The following PLSCR2 variants were observed in gnomAD, a reference collection of about 807,000 sequenced individuals.
PLSCR2 encodes the protein PL scramblase 2.
PLSCR2 carries 18 observed loss-of-function variants against 25.3 expected under a neutral mutation model. That is an observed-to-expected ratio of 0.71 (90% CI 0.49 to 1.06). The LOEUF is 1.06. Among genes scored for constraint, PLSCR2 ranks in the 50% least tolerant of loss-of-function variants. The pLI, the probability that PLSCR2 is intolerant of heterozygous loss-of-function variation, is 0.00. For synonymous variants in PLSCR2, 88 were observed against 87.3 expected, an observed-to-expected ratio of 1.01 and a Z score of -0.04; for missense variants, 243 against 269.5, an observed-to-expected ratio of 0.90 and a Z score of 0.69.
At chr3:146,414,839 G>T (rs2038959797) in intron 2 of PLSCR2, among the ~76,000 whole-genome samples, 1 of 152,136 alleles carries the variant, frequency 6.6e-6, no homozygotes. Context: ...AGGAAATCAG[G>T]GTGGGAAAAC....
chr3:146,485,484 G>C (rs935883162), intron 1 of PLSCR2, among the ~76,000 whole-genome samples: 7 of 151,874 alleles, frequency 4.6e-5, no homozygotes, highest in African/African-American at 1.7e-4. Context: ...CCACCCCAAG[G>C]CAACAGAATA....
chr3:146,412,567 T>A (rs1576580304), intron 2 of PLSCR2, among the ~76,000 whole-genome samples: 1 of 152,148 alleles, frequency 6.6e-6, no homozygotes, highest in Non-Finnish European at 1.5e-5. Context: ...GACTAGAGAA[T>A]TGTTACAAAC....
At chr3:146,451,857 G>A (rs879615350) in intron 5 of PLSCR2, among the ~76,000 whole-genome samples, 1 of 151,654 alleles carries the variant, frequency 6.6e-6, no homozygotes, top group Non-Finnish European at 1.5e-5. Flanking sequence ...GCTTACCCCA[G>A]TTCCACAGGG....
At chr3:146,443,560 G>A (rs2040374806) in intron 6 of PLSCR2, among the ~76,000 whole-genome samples, 1 of 151,912 alleles carries the variant, frequency 6.6e-6, no homozygotes, top group South Asian at 2.1e-4. Context: ...GTTGCTGACA[G>A]TAGTCTTTAA....
At chr3:146,412,922 G>A (rs557446384) in intron 2 of PLSCR2, among the ~76,000 whole-genome samples, 9 of 152,292 alleles carry the variant, frequency 5.9e-5, no homozygotes, top group African/African-American at 1.9e-4. Flanking sequence ...ATGACCAGGC[G>A]AACAGATGTG....
intron 3 of PLSCR2, among the ~76,000 whole-genome samples, chr3:146,394,049 A>C (rs1166747873): frequency 6.6e-6 from 1 of 152,088 alleles, no homozygotes; most frequent in African/African-American, 2.4e-5. Context: ...TTTGAATAGA[A>C]GCTTTATCAT....
At chr3:146,411,151 AAG>A (rs765276637) in intron 2 of PLSCR2, among the ~76,000 whole-genome samples, 1 of 152,092 alleles carries the variant, frequency 6.6e-6, no homozygotes, top group African/African-American at 2.4e-5. Flanking sequence ...AAGGGAGAGA[AAG>A]AGAGAGAGAC....
intron 2 of PLSCR2, among the ~76,000 whole-genome samples, chr3:146,428,214 G>A (rs567759503): frequency 6.6e-6 from 1 of 152,132 alleles, no homozygotes; most frequent in Non-Finnish European, 1.5e-5. Context: ...AATTACTACT[G>A]TCTATTGGCA....
intron 2 of PLSCR2, among the ~76,000 whole-genome samples, chr3:146,459,215 A>G (rs1030338919): frequency 7.9e-5 from 12 of 152,192 alleles, no homozygotes; most frequent in African/African-American, 2.9e-4. Context: ...GGAAAAAAGC[A>G]TCATAAAAAT....
At chr3:146,469,509 G>C (rs2042022976) in intron 1 of PLSCR2, 2 of 985,110 alleles carry the variant, frequency 2.0e-6, no homozygotes, top group African/African-American at 3.5e-5. Context: ...GGCTGCAGCT[G>C]CTCCCGCACA....
At chr3:146,495,544 C>A (rs1308048758) in intron 1 of PLSCR2, among the ~76,000 whole-genome samples, 1 of 152,060 alleles carries the variant, frequency 6.6e-6, no homozygotes, top group Non-Finnish European at 1.5e-5. Flanking sequence ...GAGCAATGCC[C>A]TTATAGAAAT....
intron 1 of PLSCR2, among the ~76,000 whole-genome samples, chr3:146,488,388 G>A (rs2043422773): frequency 6.6e-6 from 1 of 152,132 alleles, no homozygotes; most frequent in Admixed American, 6.5e-5. Flanking sequence ...AGAGTGAACA[G>A]ATAACCTAAT....
chr3:146,400,159 A>G (rs754157424), intron 2 of PLSCR2, among the ~76,000 whole-genome samples: 12 of 151,832 alleles, frequency 7.9e-5, no homozygotes, highest in Admixed American at 2.0e-4. Flanking sequence ...ATTTATACAT[A>G]CAAATAAAAA....
intron 1 of PLSCR2, among the ~76,000 whole-genome samples, chr3:146,481,179 A>G (rs996328260): frequency 4.6e-5 from 7 of 152,184 alleles, no homozygotes; most frequent in African/African-American, 1.7e-4. Flanking sequence ...GCACAAGACA[A>G]TGATGCCCTC....
At chr3:146,478,198 C>T (rs2042992231) in intron 1 of PLSCR2, among the ~76,000 whole-genome samples, 1 of 152,208 alleles carries the variant, frequency 6.6e-6, no homozygotes, top group South Asian at 2.1e-4. Flanking sequence ...AGGATCGCAA[C>T]TGCTCACCAG....
intron 5 of PLSCR2, among the ~76,000 whole-genome samples, chr3:146,453,230 A>G (rs2041003925): frequency 6.6e-6 from 1 of 152,118 alleles, no homozygotes; most frequent in African/African-American, 2.4e-5. Context: ...ACATTTTATC[A>G]TAAGTGAGGT....
chr3:146,402,414 A>G (rs1248662489), intron 2 of PLSCR2, among the ~76,000 whole-genome samples: 1 of 152,172 alleles, frequency 6.6e-6, no homozygotes, highest in Non-Finnish European at 1.5e-5. Context: ...TATTTTTGAA[A>G]TGAGTATACA....
downstream of PLSCR2, among the ~76,000 whole-genome samples, chr3:146,440,342 C>T (rs2040157197): frequency 6.6e-6 from 1 of 152,236 alleles, no homozygotes. Context: ...GTTTCTGCTG[C>T]CTTTTCTTCA....
exon 3 of PLSCR2, chr3:146,458,419 A>T (rs2041348810): frequency 1.3e-6 from 2 of 1,506,272 alleles, no homozygotes; most frequent in Non-Finnish European, 1.8e-6. Context: ...ACCTTCCAGA[A>T]GTTCAATTTG....
Sources: allele counts gnomAD v4.1 joint callset (sites outside exome capture counted in the v4.1 genomes callset), GRCh38; gene constraint gnomAD v4.1.1; transcripts MANE v1.5; gene names NCBI Gene and HGNC (gene_info 2026-07-23, HGNC 2026-07-21).